The following GRM5 variants were observed in gnomAD, a reference collection of about 807,000 sequenced individuals.
GRM5 encodes the protein metabotropic glutamate receptor 5.
A neutral mutation model predicts 83.1 loss-of-function variants in GRM5; 19 were observed. The observed-to-expected ratio is 0.23, with a 90% CI of 0.16 to 0.34. The LOEUF (loss-of-function observed/expected upper bound fraction) is 0.34, where lower values mean the gene tolerates loss of function less well. Among genes scored for constraint, GRM5 ranks in the 10% least tolerant of loss-of-function variants. GRM5 has a pLI of 1.00. For synonymous variants in GRM5, 675 were observed against 633.6 expected, an observed-to-expected ratio of 1.07 and a Z score of -0.98; for missense variants, 1,160 against 1,588.3, an observed-to-expected ratio of 0.73 and a Z score of 4.58.
At chr11:88,632,817 T>G (rs1481769446) in intron 4 of GRM5, among the ~76,000 whole-genome samples, 1 of 152,210 alleles carries the variant, frequency 6.6e-6, no homozygotes, top group Non-Finnish European at 1.5e-5. Flanking sequence ...GTGAGAATAT[T>G]TGTTCCTCAA....
chr11:88,661,996 AT>A (rs1197682744), intron 3 of GRM5, among the ~76,000 whole-genome samples: 1 of 152,192 alleles, frequency 6.6e-6, no homozygotes, highest in Non-Finnish European at 1.5e-5. Flanking sequence ...AATATTTCTC[AT>A]TTCAAAGGAT....
At chr11:88,560,277 T>G (rs936436723) in intron 8 of GRM5, among the ~76,000 whole-genome samples, 1 of 152,184 alleles carries the variant, frequency 6.6e-6, no homozygotes, top group Non-Finnish European at 1.5e-5. Context: ...AATGAGTATC[T>G]TTTAAACATT....
At chr11:89,041,940 A>C (rs1307820982) in intron 2 of GRM5, among the ~76,000 whole-genome samples, 1 of 152,236 alleles carries the variant, frequency 6.6e-6, no homozygotes, top group Non-Finnish European at 1.5e-5. Context: ...GAGCAAAGGA[A>C]AATCTTTCAG....
At chr11:88,955,786 T>C (rs1938592425) in intron 2 of GRM5, among the ~76,000 whole-genome samples, 1 of 152,200 alleles carries the variant, frequency 6.6e-6, no homozygotes, top group East Asian at 1.9e-4. Context: ...AGAAAGTCTT[T>C]TCTCTCATCA....
At chr11:88,956,737 C>T (rs1938629027) in intron 2 of GRM5, among the ~76,000 whole-genome samples, 1 of 152,158 alleles carries the variant, frequency 6.6e-6, no homozygotes, top group African/African-American at 2.4e-5. Context: ...ACCCGGAAGG[C>T]GGAACTTGCA....
At chr11:88,992,522 T>C (rs1426793799) in intron 2 of GRM5, among the ~76,000 whole-genome samples, 1 of 152,140 alleles carries the variant, frequency 6.6e-6, no homozygotes, top group Non-Finnish European at 1.5e-5. Context: ...ACTGGGTATA[T>C]ACCCGAAGGA....
At chr11:88,535,101 G>A (rs1942104028) in intron 8 of GRM5, among the ~76,000 whole-genome samples, 1 of 152,152 alleles carries the variant, frequency 6.6e-6, no homozygotes, top group Non-Finnish European at 1.5e-5. Context: ...TTTATCAGCA[G>A]CATGAAAACG....
chr11:89,055,253 A>C (rs1941849133), intron 1 of GRM5, among the ~76,000 whole-genome samples: 1 of 152,316 alleles, frequency 6.6e-6, no homozygotes, highest in Non-Finnish European at 1.5e-5. Context: ...GTGTGTCCTT[A>C]GGCATTTAGC....
At chr11:88,934,362 T>C (rs1590976379) in intron 2 of GRM5, among the ~76,000 whole-genome samples, 1 of 151,870 alleles carries the variant, frequency 6.6e-6, no homozygotes, top group East Asian at 1.9e-4. Context: ...GTATTGCACA[T>C]CTTTAGTGCC....
chr11:88,961,312 G>A (rs886211764), intron 2 of GRM5, among the ~76,000 whole-genome samples: 2 of 151,714 alleles, frequency 1.3e-5, no homozygotes, highest in Non-Finnish European at 2.9e-5. Flanking sequence ...AGTGATTTGT[G>A]TTTTGTCAAA....
chr11:88,951,502 G>A (rs763008228), intron 2 of GRM5, among the ~76,000 whole-genome samples: 2 of 152,196 alleles, frequency 1.3e-5, no homozygotes, highest in South Asian at 4.1e-4. Flanking sequence ...GATGTGTCCT[G>A]TGTTTGCTTT....
intron 2 of GRM5, among the ~76,000 whole-genome samples, chr11:88,958,672 T>G (rs1350260625): frequency 6.6e-6 from 1 of 152,180 alleles, no homozygotes; most frequent in Non-Finnish European, 1.5e-5. Context: ...TCAAACTTTC[T>G]AAGTTTCATA....
intron 2 of GRM5, among the ~76,000 whole-genome samples, chr11:89,018,923 T>C (rs1940919544): frequency 6.6e-6 from 1 of 152,198 alleles, no homozygotes; most frequent in Middle Eastern, 3.2e-3. Flanking sequence ...GGTTCATTTG[T>C]CACAAAGACT....
chr11:88,683,655 T>C (rs768233367), intron 3 of GRM5, among the ~76,000 whole-genome samples: 4 of 152,210 alleles, frequency 2.6e-5, no homozygotes, highest in Non-Finnish European at 5.9e-5. Context: ...TAAAAGTAAC[T>C]CTTTCTGCTC....
chr11:88,998,594 A>G (rs543742469), intron 2 of GRM5, among the ~76,000 whole-genome samples: 1 of 152,310 alleles, frequency 6.6e-6, no homozygotes, highest in Admixed American at 6.5e-5. Context: ...AACAGGCAAT[A>G]TAAGTAAATA....
chr11:89,064,549 A>T (rs539984241), intron 1 of GRM5, among the ~76,000 whole-genome samples: 8 of 152,208 alleles, frequency 5.3e-5, no homozygotes, highest in African/African-American at 1.9e-4. Flanking sequence ...ATATTTTATG[A>T]GTGTTCTTAC....
At chr11:88,913,302 C>A (rs1412261881) in intron 2 of GRM5, among the ~76,000 whole-genome samples, 1 of 152,136 alleles carries the variant, frequency 6.6e-6, no homozygotes, top group Non-Finnish European at 1.5e-5. Context: ...CGCTCAAGAT[C>A]CAGTCTCTCG....
At chr11:88,776,995 G>C (rs549545554) in intron 3 of GRM5, among the ~76,000 whole-genome samples, 1 of 152,154 alleles carries the variant, frequency 6.6e-6, no homozygotes, top group Non-Finnish European at 1.5e-5. Context: ...TGCCTTGCTA[G>C]GTTGGGGAAG....
chr11:88,934,114 CACTT>C (rs1937811504), intron 2 of GRM5, among the ~76,000 whole-genome samples: 1 of 151,736 alleles, frequency 6.6e-6, no homozygotes, highest in Non-Finnish European at 1.5e-5. Context: ...CCACACAACT[CACTT>C]CTCTAATTTT....
Sources: gnomAD v4.1 joint callset for allele counts (sites outside exome capture counted in the v4.1 genomes callset) on GRCh38, gnomAD v4.1.1 for gene constraint, MANE v1.5 for transcripts, NCBI Gene and HGNC (gene_info 2026-07-23, HGNC 2026-07-21) for gene names.